Variants in OCIAD2 observed in about 807,000 individuals in gnomAD.
The protein encoded by OCIAD2 is OCIA domain-containing protein 2.
In OCIAD2, 29 loss-of-function variants were observed where a neutral mutation model predicts 22.9. The ratio of observed to expected loss-of-function variants is 1.27; its 90% CI spans 0.94 to 1.73. The LOEUF (loss-of-function observed/expected upper bound fraction) is 1.73, where lower values mean the gene tolerates loss of function less well. Among genes scored for constraint, OCIAD2 ranks in the 40% most tolerant of loss-of-function variants. The pLI is 0.00. For synonymous variants in OCIAD2, 67 were observed against 60.2 expected (o/e 1.11, Z -0.52); for missense variants, 189 against 180.3 (o/e 1.05, Z -0.28).
At chr4:48,897,164 G>A (rs1268554238) in intron 4 of OCIAD2, 1 of 153,216 alleles carries the variant, frequency 6.5e-6, no homozygotes, top group African/African-American at 2.4e-5. Flanking sequence ...CATATACAGA[G>A]GCCTTGGGAG....
In OCIAD2 at chr4:48,885,050, ATC is replaced by A. The variant is rs2109660836; in HGVS notation, c.*432_*433del. 1 of 168,196 alleles carries A rather than the reference ATC, an allele frequency of 5.9e-6. No individual in the cohort carries two copies. Among genetic ancestry groups the A allele is most frequent in the South Asian group, 1.5e-4 (1 of 6,714 alleles). The allele number at this position is 168,196 out of a possible 1,614,324, so 10.4% of individuals were successfully genotyped here. A position where few individuals can be genotyped will look rare whatever the true frequency, so the allele number is the denominator to read the frequency against. On this transcript the variant is annotated 3_prime_UTR_variant, in exon 7 of 7. Transcript: ENST00000508632. ...ACCCAGGCTGGAGTGCAGTGGCACAATCTCTGCTCGCTGCAACTTTCGCCTCC... is the reference window on the plus strand; with the variant it reads ...ACCCAGGCTGGAGTGCAGTGGCACAATCTGCTCGCTGCAACTTTCGCCTCC...
At chr4:48,905,927 C>T (rs1781514910) in intron 1 of OCIAD2, among the ~76,000 whole-genome samples, 1 of 152,144 alleles carries the variant, frequency 6.6e-6, no homozygotes, top group African/African-American at 2.4e-5. Flanking sequence ...GCATAATGGA[C>T]ACAACAATGG....
chr4:48,900,851 TC>T (rs1338046108), intron 2 of OCIAD2, among the ~76,000 whole-genome samples: 8 of 152,018 alleles, frequency 5.3e-5, no homozygotes, highest in Non-Finnish European at 7.4e-5. Flanking sequence ...TCATCGGCCT[TC>T]CAAAGTGCTA....
chr4:48,893,002 A>G, intron 5 of OCIAD2, 113 bp from the exon 6 acceptor site: 1 of 619,134 alleles, frequency 1.6e-6, no homozygotes, highest in South Asian at 2.2e-5. Flanking sequence ...CGCTAAATCA[A>G]TGAATGAAGA....
At chr4:48,896,609 C>T (rs1285325058) in intron 4 of OCIAD2, among the ~76,000 whole-genome samples, 1 of 151,836 alleles carries the variant, frequency 6.6e-6, no homozygotes, top group African/African-American at 2.4e-5. Context: ...CAAAAACCAA[C>T]AAAACAAAAC....
intron 4 of OCIAD2, among the ~76,000 whole-genome samples, chr4:48,895,233 T>C (rs1198104363): frequency 6.6e-6 from 1 of 152,214 alleles, no homozygotes; most frequent in Non-Finnish European, 1.5e-5. Context: ...TGTAAGATAA[T>C]ACATTTGTGT....
Position 48,904,491 on chromosome 4 carries a change from C to A in OCIAD2, c.59G>T (p.Ser20Ile), listed in dbSNP as rs527746894. The A allele has an allele frequency of 6.2e-7, 1 of 1,613,714 alleles. No homozygotes were observed. Among genetic ancestry groups the A allele is most frequent in the Non-Finnish European group, 8.5e-7 (1 of 1,179,738 alleles). Residue 20 changes from serine to isoleucine, a missense_variant, in exon 2 of 7, where the codon AGC becomes ATC. By Grantham distance (142) the Ser-to-Ile change is moderately radical. Coordinates refer to ENST00000508632, the MANE Select transcript of OCIAD2 (RefSeq NM_001014446.3). ...ATAAATATAAAAGTATACCTGCTTG[C>A]TTGGTGGTGGAAAATGGGCATCTTT... ...QDKDAHFPPP[S>I]KQSLLFCPKS...
intron 6 of OCIAD2, among the ~76,000 whole-genome samples, 176 bp from the exon 7 acceptor site, chr4:48,885,741 C>T (rs1780967633): frequency 6.6e-6 from 1 of 152,196 alleles, no homozygotes; most frequent in South Asian, 2.1e-4. Flanking sequence ...CCACCCAACC[C>T]TCTTGAGTAG....
intron 4 of OCIAD2, among the ~76,000 whole-genome samples, chr4:48,894,259 G>A (rs965951195): frequency 1.3e-5 from 2 of 152,092 alleles, no homozygotes; most frequent in Non-Finnish European, 2.9e-5. Context: ...TGGAGGCCGA[G>A]GCGGGCAGAT....
chr4:48,906,261 GGTGGGGAAGGGACCC>G (rs1781522544), intron 1 of OCIAD2, among the ~76,000 whole-genome samples: 1 of 152,260 alleles, frequency 6.6e-6, no homozygotes, highest in East Asian at 1.9e-4. Context: ...TTTCCTCAGT[GGTGGGGAAGGGACCC>G]GTGGGTTCGT....
At chr4:48,890,518 C>T (rs922141882) in intron 6 of OCIAD2, among the ~76,000 whole-genome samples, 65 of 152,130 alleles carry the variant, frequency 4.3e-4, no homozygotes, top group African/African-American at 9.7e-5. Context: ...CATATATATA[C>T]ACATAATTTT....
rs139662913 is a variant in OCIAD2 at position 48,894,072 on chromosome 4, A to G, written c.218-19T>C. On this transcript the variant is annotated intron_variant, in intron 4 of 6. Coordinates refer to ENST00000508632, the MANE Select transcript of OCIAD2 (RefSeq NM_001014446.3). ...AAATAACCTAAGGAGTAATAAAGAA[A>G]AACATTATTATTTCATTTCATAAAT... is the stretch of plus-strand genomic sequence containing the variant. The G allele has an allele frequency of 1.9e-3, 2,464 of 1,269,760 alleles. 51 individuals are homozygous for G. In the East Asian group the frequency reaches 0.051, roughly 26 times the overall value. The allele number at this position is 1,269,760 out of a possible 1,614,324, so 78.7% of individuals were successfully genotyped here.
intron 5 of OCIAD2, 56 bp downstream of exon 5, chr4:48,893,950 G>A (rs1560458622): frequency 1.7e-6 from 2 of 1,154,616 alleles, no homozygotes; most frequent in East Asian, 5.3e-5. Context: ...CCAAAGTGCT[G>A]GGATTACAGA....
Position 48,887,098 on chromosome 4 carries a change from T to G in OCIAD2, c.384-1533A>C, listed in dbSNP as rs529575569. Among the ~76,000 whole-genome samples, 56 of 152,388 alleles carry G rather than the reference T, an allele frequency of 3.7e-4. No homozygotes were observed. The East Asian group carries it at 0.01, about 27-fold the overall frequency. On this transcript the variant is annotated intron_variant, in intron 6 of 6. Transcript: ENST00000508632. ...GCATTTCTCTGATGGTCAGTGATGA[T>G]GAGCATTTTTTCATGTGTCTTTTGG...
In OCIAD2 at chr4:48,886,910, C is replaced by T. The variant is rs373178363; in HGVS notation, c.384-1345G>A. Among the ~76,000 whole-genome samples the T allele has an allele frequency of 8.8e-4, 134 of 152,240 alleles. 4 individuals are homozygous for T. Among genetic ancestry groups the T allele is most frequent in the Middle Eastern group, 3.4e-3 (1 of 294 alleles). On this transcript the variant is annotated intron_variant, in intron 6 of 6. Transcript: ENST00000508632. Reference sequence around the variant, plus strand: ...TTCTAGTTCTAGATCCCGGAGGAATCGCCACACTGACTTCCACAATGGTTG... The same window carrying T: ...TTCTAGTTCTAGATCCCGGAGGAATTGCCACACTGACTTCCACAATGGTTG...
At chr4:48,889,258 A>T (rs543228860) in intron 6 of OCIAD2, among the ~76,000 whole-genome samples, 1 of 152,238 alleles carries the variant, frequency 6.6e-6, no homozygotes. Flanking sequence ...GCTAGCAGTC[A>T]ATCAATTTTG....
intron 1 of OCIAD2, among the ~76,000 whole-genome samples, chr4:48,906,217 AC>A (rs986630943): frequency 2.6e-5 from 4 of 151,288 alleles, no homozygotes; most frequent in Admixed American, 1.3e-4. Context: ...TGTAGCTCCC[AC>A]CCCCCACGCT....
intron 6 of OCIAD2, among the ~76,000 whole-genome samples, chr4:48,890,834 C>T (rs113544763): frequency 4.6e-4 from 70 of 152,200 alleles, no homozygotes; most frequent in Admixed American, 5.2e-4. Flanking sequence ...AGGATTACTT[C>T]GAAGGTAGCA....
Position 48,885,403 on chromosome 4 carries a change from T to C in OCIAD2, c.*81A>G. ...AATGTTTTTGTTCCATTAGAAGTAT[T>C]TTATTTTAAAGTACACTTGAAATTT... On this transcript the variant is annotated 3_prime_UTR_variant, in exon 7 of 7. Coordinates refer to ENST00000508632, the MANE Select transcript of OCIAD2 (RefSeq NM_001014446.3). 4 of 806,340 alleles carry C rather than the reference T, an allele frequency of 5.0e-6. No homozygotes were observed. Among genetic ancestry groups the C allele is most frequent in the Non-Finnish European group, 6.5e-6 (3 of 460,084 alleles). The allele number at this position is 806,340 out of a possible 1,614,324, so 49.9% of individuals were successfully genotyped here. A position where few individuals can be genotyped will look rare whatever the true frequency, so the allele number is the denominator to read the frequency against.
Sources: gnomAD v4.1 joint callset for allele counts (sites outside exome capture counted in the v4.1 genomes callset) on GRCh38, gnomAD v4.1.1 for gene constraint, MANE v1.5 for transcripts, NCBI Gene and HGNC (gene_info 2026-07-23, HGNC 2026-07-21) for gene names.